Variants in RASAL2 observed in about 807,000 individuals in gnomAD.
The protein encoded by RASAL2 is RAS protein activator like 2.
RASAL2 carries 58 observed loss-of-function variants against 128.9 expected under a neutral mutation model. The ratio of observed to expected loss-of-function variants is 0.45; its 90% confidence interval spans 0.36 to 0.56. The LOEUF (loss-of-function observed/expected upper bound fraction) is 0.56, where lower values mean the gene tolerates loss of function less well. RASAL2 is among the 20% of genes least tolerant of loss of function. RASAL2 has a pLI of 0.00. For missense variants in RASAL2, 1,360 were observed against 1,601.6 expected, an observed-to-expected ratio of 0.85 and a Z score of 2.57; for synonymous variants, 561 against 580.8, an observed-to-expected ratio of 0.97 and a Z score of 0.49.
At chr1:178,279,051 T>C (rs1666657429) in intron 1 of RASAL2, among the ~76,000 whole-genome samples, 1 of 152,248 alleles carries the variant, frequency 6.6e-6, no homozygotes, top group East Asian at 1.9e-4. Flanking sequence ...GTTTGCTTTT[T>C]AGACTTAGTG....
At chr1:178,157,848 G>C (rs1259362049) in intron 1 of RASAL2, among the ~76,000 whole-genome samples, 1 of 152,064 alleles carries the variant, frequency 6.6e-6, no homozygotes, top group Non-Finnish European at 1.5e-5. Flanking sequence ...TTGTATATAA[G>C]GGGCAAAAGT....
intron 1 of RASAL2, among the ~76,000 whole-genome samples, chr1:178,115,216 G>GT (rs1659484746): frequency 6.6e-6 from 1 of 152,094 alleles, no homozygotes; most frequent in Admixed American, 6.5e-5. Flanking sequence ...TGCTTTTATT[G>GT]TTTGTGTCTT....
chr1:178,295,917 G>A (rs1000002711), intron 2 of RASAL2, among the ~76,000 whole-genome samples: 5 of 152,094 alleles, frequency 3.3e-5, no homozygotes, highest in African/African-American at 4.8e-5. Context: ...GCTAGTTAGC[G>A]TAATCTTGAT....
chr1:178,226,769 C>T (rs975535377), intron 1 of RASAL2, among the ~76,000 whole-genome samples: 44 of 152,100 alleles, frequency 2.9e-4, no homozygotes, highest in Non-Finnish European at 5.4e-4. Context: ...CAACATGGCC[C>T]GTCCCTACAA....
At chr1:178,408,131 A>T (rs1557965049) in intron 4 of RASAL2, among the ~76,000 whole-genome samples, 2 of 152,366 alleles carry the variant, frequency 1.3e-5, no homozygotes, top group Admixed American at 6.5e-5. Flanking sequence ...TTTTAAAAAA[A>T]TAATGAGCTT....
Position 178,452,621 on chromosome 1 carries a change from A to G in RASAL2, c.1978A>G (p.Lys660Glu). The G allele has an allele frequency of 6.2e-7, 1 of 1,613,964 alleles. No individual in the cohort carries two copies. The highest frequency in any genetic ancestry group is 8.5e-7 in the Non-Finnish European group (1 of 1,179,850). ...RTSRTLTLIAKVIQNLANFAK... is the reference protein window; with the variant it reads ...RTSRTLTLIAEVIQNLANFAK... Reference sequence around the variant, plus strand: ...ATCTCGGACTCTAACTCTTATTGCCAAGGTCATTCAGAACCTGGCCAACTT... The same window carrying G: ...ATCTCGGACTCTAACTCTTATTGCCGAGGTCATTCAGAACCTGGCCAACTT... The change falls in exon 11 of 18, where the codon AAG (lysine) becomes GAG (glutamate). Residue 660 changes from lysine (K) to glutamate (E), a missense_variant. Lys to Glu is a moderately conservative substitution (Grantham distance 56). This residue lies in a region of RASAL2 where 741 missense variants were observed against 868.6 expected (regional missense o/e 0.85). Coordinates refer to ENST00000367649, the MANE Select transcript of RASAL2 (RefSeq NM_170692.4).
chr1:178,297,985 G>A lies in RASAL2; in HGVS notation c.331-2007G>A, dbSNP rs985600153. Among the ~76,000 whole-genome samples the A allele has an allele frequency of 3.3e-5, 5 of 152,040 alleles. No homozygotes were observed. In the East Asian group the frequency reaches 9.6e-4, roughly 29 times the overall value. ...TACTACTTTTTTTCTGCATGGTTTA[G>A]ACCTTTATTATTTAAAATAATAGGC... On this transcript the variant is annotated intron_variant, in intron 2 of 17. Coordinates refer to ENST00000367649, the MANE Select transcript of RASAL2 (RefSeq NM_170692.4).
In RASAL2 at chr1:178,466,377, AGAG is replaced by A. The variant is rs377100582; in HGVS notation, c.3590+259_3590+261del. Among the ~76,000 whole-genome samples the A allele has an allele frequency of 4.1e-3, 628 of 152,366 alleles. 3 individuals are homozygous for A. Among genetic ancestry groups the A allele is most frequent in the African/African-American group, 0.014 (572 of 41,590 alleles). ...CTTGGTGGTTTACTTGAGAAATCTTAGAGGAGAACTCGGTTTTAAAAATGTAAA... is the reference window on the plus strand; with the variant it reads ...CTTGGTGGTTTACTTGAGAAATCTTAGAGAACTCGGTTTTAAAAATGTAAA... On this transcript the variant is annotated intron_variant, in intron 16 of 17. Coordinates refer to ENST00000367649, the MANE Select transcript of RASAL2 (RefSeq NM_170692.4).
At position 178,454,430 on chromosome 1, in the gene RASAL2, C is replaced by A; in HGVS notation, c.2010-17C>A. On this transcript the variant is annotated splice_polypyrimidine_tract_variant and intron_variant, in intron 11 of 17. Transcript: ENST00000367649. ...TCTTGAATATGTTCTTTCTCATTTT[C>A]TCATCCTCTACTTCAGGTTTGGTAA... 6.4e-7 allele frequency: 1 copy of A among 1,566,292 alleles called. No individual in the cohort carries two copies. Among genetic ancestry groups the A allele is most frequent in the African/African-American group, 1.4e-5 (1 of 73,842 alleles).
chr1:178,435,730 G>A (rs981680040), intron 5 of RASAL2, among the ~76,000 whole-genome samples: 1 of 151,990 alleles, frequency 6.6e-6, no homozygotes, highest in African/African-American at 2.4e-5. Flanking sequence ...ATTGCCTCTG[G>A]GAAGCAGTTT....
chr1:178,357,801 C>T (rs972514728), intron 3 of RASAL2, among the ~76,000 whole-genome samples: 2 of 152,056 alleles, frequency 1.3e-5, no homozygotes, highest in Admixed American at 6.6e-5. Flanking sequence ...TTATATTACT[C>T]ATATCTCTCC....
rs762797200 is a variant in RASAL2 at position 178,283,534 on chromosome 1, T to C, written c.203-30T>C. The C allele has an allele frequency of 2.5e-6, 4 of 1,599,022 alleles. No individual in the cohort carries two copies. In the South Asian group the frequency reaches 4.5e-5, roughly 18 times the overall value. ...GTTTACTAAGCAAGATAATGATTTG[T>C]CACTTTTGTTTTTCCCTTTTCTCAT... On this transcript the variant is annotated intron_variant, in intron 1 of 17. Transcript: ENST00000367649.
At chr1:178,407,244 C>A (rs1674056174) in intron 4 of RASAL2, among the ~76,000 whole-genome samples, 1 of 152,188 alleles carries the variant, frequency 6.6e-6, no homozygotes, top group African/African-American at 2.4e-5. Context: ...GTTTGGACTT[C>A]CAAATAACTG....
At chr1:178,433,053 G>A (rs746573007) in intron 5 of RASAL2, among the ~76,000 whole-genome samples, 2 of 151,896 alleles carry the variant, frequency 1.3e-5, no homozygotes, top group Admixed American at 6.6e-5. Context: ...TCTCTCAAAC[G>A]TCATTATTCA....
At chr1:178,390,419 A>G (rs1290524192) in intron 4 of RASAL2, among the ~76,000 whole-genome samples, 1 of 152,098 alleles carries the variant, frequency 6.6e-6, no homozygotes, top group Non-Finnish European at 1.5e-5. Flanking sequence ...TCACTCTGTC[A>G]TCCAGGCTGG....
At chr1:178,372,059 T>G in intron 3 of RASAL2, 1 of 619,672 alleles carries the variant, frequency 1.6e-6, no homozygotes, top group Non-Finnish European at 2.0e-6. Context: ...CCTGGTTGTA[T>G]TAGATTGATG....
At chr1:178,139,216 T>A (rs575105741) in intron 1 of RASAL2, among the ~76,000 whole-genome samples, 13 of 152,162 alleles carry the variant, frequency 8.5e-5, no homozygotes, top group African/African-American at 3.1e-4. Context: ...GAATTGTTAA[T>A]CTCTAGTGGT....
At position 178,283,587 on chromosome 1, in the gene RASAL2, C is replaced by G; in HGVS notation, c.226C>G (p.Arg76Gly). Reference sequence around the variant, plus strand: ...AGATGTGAAAGGACCACCCACCCACCGTCTGTCTTGTGGTCAGTCACCCTA... The same window carrying G: ...AGATGTGAAAGGACCACCCACCCACGGTCTGTCTTGTGGTCAGTCACCCTA... ...VYDVKGPPTH[R>G]LSCGQSPYTE... The change falls in exon 2 of 18, where the codon CGT (arginine) becomes GGT (glycine). Residue 76 changes from arginine to glycine, a missense_variant. Arg to Gly is a moderately radical substitution (Grantham distance 125). Coordinates refer to ENST00000367649, the MANE Select transcript of RASAL2 (RefSeq NM_170692.4). 6.2e-7 allele frequency: 1 copy of G among 1,613,180 alleles called. No individual in the cohort carries two copies. The highest frequency in any genetic ancestry group is 8.5e-7 in the Non-Finnish European group (1 of 1,179,694).
intron 4 of RASAL2, among the ~76,000 whole-genome samples, chr1:178,415,834 T>C (rs191947979): frequency 2.0e-5 from 3 of 152,284 alleles, no homozygotes. Context: ...TGTTAAGTTT[T>C]CTTGCTGTAA....
Sources: gnomAD v4.1 joint callset for allele counts (sites outside exome capture counted in the v4.1 genomes callset) on GRCh38, gnomAD v4.1.1 for gene constraint, gnomAD v4.1.1 regional missense constraint, MANE v1.5 for transcripts, NCBI Gene and HGNC (gene_info 2026-07-23, HGNC 2026-07-21) for gene names.